The following MKLN1 variants were observed in gnomAD, a reference collection of about 807,000 sequenced individuals.
MKLN1 encodes muskelin 1.
MKLN1 carries 18 observed loss-of-function variants against 99.0 expected under a neutral mutation model. That is an observed-to-expected ratio of 0.18 (90% CI 0.13 to 0.27). MKLN1 has a LOEUF of 0.27. MKLN1 is among the 10% of genes least tolerant of loss of function. The pLI, the probability that MKLN1 is intolerant of heterozygous loss-of-function variation, is 1.00. For synonymous variants in MKLN1, 288 were observed against 293.2 expected (o/e 0.98, Z 0.18); for missense variants, 621 against 875.9 (o/e 0.71, Z 3.67).
At chr7:131,252,940 T>C (rs1490413849) in intron 3 of MKLN1, among the ~76,000 whole-genome samples, 3 of 152,202 alleles carry the variant, frequency 2.0e-5, no homozygotes, top group Non-Finnish European at 4.4e-5. Flanking sequence ...CAACCTTGGA[T>C]AGGAGCTCAG....
At chr7:131,168,534 A>G (rs1796168556) in intron 2 of MKLN1, among the ~76,000 whole-genome samples, 1 of 152,162 alleles carries the variant, frequency 6.6e-6, no homozygotes, top group Non-Finnish European at 1.5e-5. Context: ...GGTAGACATT[A>G]AGGATTCCCA....
chr7:131,242,006 T>C lies in MKLN1; in HGVS notation c.-179+39032T>C, dbSNP rs1270078772. 2.6e-5 allele frequency among the ~76,000 whole-genome samples: 4 copies of C among 152,302 alleles called. No homozygotes were observed. In the East Asian group the frequency reaches 7.7e-4, roughly 29 times the overall value. Reference sequence around the variant, plus strand: ...TTAATCTGTTTTATTTTCATCATAATCCTAAACCTATTCTCAATAGCACAT... The same window carrying C: ...TTAATCTGTTTTATTTTCATCATAACCCTAAACCTATTCTCAATAGCACAT... On this transcript the variant is annotated intron_variant, in intron 3 of 7. Coordinates refer to the MKLN1 transcript ENST00000416992.
Position 131,177,649 on chromosome 7 carries a change from G to C in MKLN1, c.-296-25208G>C, listed in dbSNP as rs532963012. Among the ~76,000 whole-genome samples, 20 of 152,132 alleles carry C rather than the reference G, an allele frequency of 1.3e-4. 1 individual carries two copies. The South Asian group carries it at 3.9e-3, about 30-fold the overall frequency. ...CTTCATGTTCCATCAAATTCTGAAA[G>C]GGATGTATTAAAATCTACCACTATG... On this transcript the variant is annotated intron_variant, in intron 2 of 7. Coordinates refer to the MKLN1 transcript ENST00000416992.
intron 16 of MKLN1, among the ~76,000 whole-genome samples, chr7:131,477,121 A>G (rs1796988741): frequency 6.6e-6 from 1 of 152,220 alleles, no homozygotes; most frequent in Non-Finnish European, 1.5e-5. Context: ...AAAACATAGG[A>G]GATTATCTTC....
chr7:131,276,122 G>A (rs896292960), intron 3 of MKLN1, among the ~76,000 whole-genome samples: 1 of 152,202 alleles, frequency 6.6e-6, no homozygotes, highest in African/African-American at 2.4e-5. Flanking sequence ...CAGGGAGCTA[G>A]GAGTGTCAAA....
At chr7:131,475,616 A>C (rs1431164610) in intron 16 of MKLN1, among the ~76,000 whole-genome samples, 2 of 152,150 alleles carry the variant, frequency 1.3e-5, no homozygotes, top group African/African-American at 4.8e-5. Context: ...GTTTGAGACC[A>C]GCTTGGGCAA....
chr7:131,242,995 G>A (rs1226849262), intron 3 of MKLN1: 11 of 607,384 alleles, frequency 1.8e-5, no homozygotes, highest in East Asian at 7.6e-5. Flanking sequence ...CAGAAGCTGC[G>A]GTTTTAGATG....
At chr7:131,401,503 AT>A (rs1403431175) in intron 6 of MKLN1, among the ~76,000 whole-genome samples, 1 of 152,224 alleles carries the variant, frequency 6.6e-6, no homozygotes, top group African/African-American at 2.4e-5. Context: ...TAAGGGAAGG[AT>A]AAAGTTTAAT....
chr7:131,487,457 A>G lies in MKLN1; in HGVS notation c.2087-150A>G. Reference sequence around the variant, plus strand: ...ATCTAAGATCACACCACAGCCAGGTAGTAGAACTGGGGTCAGATCAGTAGT... The same window carrying G: ...ATCTAAGATCACACCACAGCCAGGTGGTAGAACTGGGGTCAGATCAGTAGT... On this transcript the variant is annotated intron_variant, in intron 17 of 17. Coordinates refer to ENST00000352689, the MANE Select transcript of MKLN1 (RefSeq NM_013255.5). This position sits in a 1 kb window ranked among gnomAD's most constrained non-coding sequence, Gnocchi z 4.7. The G allele has an allele frequency of 1.4e-6, 1 of 731,962 alleles. No individual in the cohort carries two copies. Among genetic ancestry groups the G allele is most frequent in the Admixed American group, 3.2e-5 (1 of 30,982 alleles). 45.3% of individuals were successfully genotyped at this position (731,962 alleles called of 1,614,324 possible). A position where few individuals can be genotyped will look rare whatever the true frequency, so the allele number is the denominator to read the frequency against.
chr7:131,218,637 G>T (rs1427243879), intron 3 of MKLN1, among the ~76,000 whole-genome samples: 1 of 152,150 alleles, frequency 6.6e-6, no homozygotes, highest in Non-Finnish European at 1.5e-5. Flanking sequence ...TGTGGTATGT[G>T]CATACAATGG....
intron 2 of MKLN1, among the ~76,000 whole-genome samples, chr7:131,178,668 T>G (rs915225562): frequency 6.6e-6 from 1 of 152,156 alleles, no homozygotes; most frequent in Non-Finnish European, 1.5e-5. Context: ...TTTTGTTTAT[T>G]TTGTTTTGCT....
intron 1 of MKLN1, among the ~76,000 whole-genome samples, chr7:131,347,455 G>A (rs1378699701): frequency 6.6e-6 from 1 of 152,168 alleles, no homozygotes; most frequent in Non-Finnish European, 1.5e-5. Flanking sequence ...GCAAGAGCAT[G>A]CACGGCAAGC....
intron 3 of MKLN1, among the ~76,000 whole-genome samples, chr7:131,317,104 A>C (rs561884924): frequency 3.9e-5 from 6 of 152,220 alleles, no homozygotes; most frequent in Non-Finnish European, 7.3e-5. Context: ...AATACAGAGA[A>C]CACCACTAAG....
chr7:131,128,984 C>T (rs1366875227), intron 1 of MKLN1, among the ~76,000 whole-genome samples: 3 of 147,070 alleles, frequency 2.0e-5, no homozygotes, highest in Non-Finnish European at 4.4e-5. Context: ...ATATGACAAG[C>T]GGTAGTGTCT....
intron 3 of MKLN1, among the ~76,000 whole-genome samples, chr7:131,224,003 A>G (rs887231913): frequency 6.6e-6 from 1 of 152,040 alleles, no homozygotes; most frequent in Non-Finnish European, 1.5e-5. Context: ...TGACCTCGTG[A>G]TCTGCCCACC....
intron 3 of MKLN1, among the ~76,000 whole-genome samples, chr7:131,301,806 C>T (rs910699179): frequency 6.6e-6 from 1 of 152,140 alleles, no homozygotes; most frequent in African/African-American, 2.4e-5. Flanking sequence ...TGCAGTAACA[C>T]TGAAACTTAT....
intron 3 of MKLN1, among the ~76,000 whole-genome samples, chr7:131,267,012 T>G (rs558436957): frequency 6.6e-6 from 1 of 152,120 alleles, no homozygotes; most frequent in East Asian, 1.9e-4. Flanking sequence ...CTCTCTCATC[T>G]CAGCCTCACA....
intron 3 of MKLN1, among the ~76,000 whole-genome samples, chr7:131,217,633 C>T (rs545533608): frequency 6.6e-6 from 1 of 152,128 alleles, no homozygotes; most frequent in Non-Finnish European, 1.5e-5. Flanking sequence ...GAGAGGCAGG[C>T]GTTGCAGTGA....
At chr7:131,329,672 C>T (rs761075242) in intron 1 of MKLN1, among the ~76,000 whole-genome samples, 14 of 152,252 alleles carry the variant, frequency 9.2e-5, no homozygotes, top group Non-Finnish European at 1.8e-4. Flanking sequence ...AACACAAGTA[C>T]CATCCGCGTT....
Sources: gnomAD v4.1 joint callset for allele counts (sites outside exome capture counted in the v4.1 genomes callset) on GRCh38, gnomAD v4.1.1 for gene constraint, Gnocchi (gnomAD v3.1) non-coding constraint, MANE v1.5 for transcripts, NCBI Gene and HGNC (gene_info 2026-07-23, HGNC 2026-07-21) for gene names.